Variants in GRIN2A observed in about 807,000 individuals in gnomAD.
GRIN2A encodes the protein glutamate ionotropic receptor NMDA type subunit 2A.
GRIN2A carries 22 observed loss-of-function variants against 113.4 expected under a neutral mutation model. The ratio of observed to expected loss-of-function variants is 0.19; its 90% CI spans 0.14 to 0.28. GRIN2A has a LOEUF of 0.28. Among genes scored for constraint, GRIN2A ranks in the 10% least tolerant of loss-of-function variants. The pLI, the probability that GRIN2A is intolerant of heterozygous loss-of-function variation, is 1.00. For missense variants in GRIN2A, 1,502 were observed against 1,887.0 expected, an observed-to-expected ratio of 0.80 and a Z score of 3.78; for synonymous variants, 827 against 738.4, an observed-to-expected ratio of 1.12 and a Z score of -1.94.
At chr16:10,091,627 CA>C (rs1355088217) in intron 2 of GRIN2A, among the ~76,000 whole-genome samples, 1 of 151,130 alleles carries the variant, frequency 6.6e-6, no homozygotes, top group South Asian at 2.1e-4. Context: ...GGCCCCATCT[CA>C]AAAAAATAAA....
intron 2 of GRIN2A, 120 bp downstream of exon 2, chr16:10,179,878 T>TG: frequency 2.3e-6 from 1 of 443,686 alleles, no homozygotes; most frequent in Non-Finnish European, 4.7e-6. Flanking sequence ...GCCACGACCC[T>TG]CCCACCCCCA....
chr16:10,124,838 C>T (rs139174451), intron 2 of GRIN2A, among the ~76,000 whole-genome samples: 318 of 152,240 alleles, frequency 2.1e-3, no homozygotes, highest in Middle Eastern at 3.4e-3. Flanking sequence ...GACATGAGGG[C>T]TCCTATGGAA....
chr16:10,081,323 G>C (rs1206901314), intron 2 of GRIN2A, among the ~76,000 whole-genome samples: 1 of 152,168 alleles, frequency 6.6e-6, no homozygotes, highest in Non-Finnish European at 1.5e-5. Flanking sequence ...TGGAGATGAA[G>C]CTATTGCGAA....
intron 2 of GRIN2A, among the ~76,000 whole-genome samples, chr16:9,949,593 CAGAT>C (rs2045123080): frequency 6.6e-6 from 1 of 150,916 alleles, no homozygotes; most frequent in East Asian, 2.0e-4. Context: ...GATAGACGGA[CAGAT>C]GGATGGATGG....
At chr16:9,830,651 A>G (rs899569476) in intron 8 of GRIN2A, among the ~76,000 whole-genome samples, 10 of 152,358 alleles carry the variant, frequency 6.6e-5, no homozygotes, top group Admixed American at 5.2e-4. Flanking sequence ...AAGTGGCAGA[A>G]GCAAATTCAC....
At chr16:9,870,703 T>C (rs933036265) in intron 4 of GRIN2A, among the ~76,000 whole-genome samples, 3 of 151,646 alleles carry the variant, frequency 2.0e-5, no homozygotes, top group African/African-American at 4.9e-5. Context: ...AGTGGCATGA[T>C]CTTGGCTCAC....
chr16:9,808,843 G>A (rs1244143749), intron 10 of GRIN2A, among the ~76,000 whole-genome samples: 1 of 152,020 alleles, frequency 6.6e-6, no homozygotes, highest in African/African-American at 2.4e-5. Flanking sequence ...AAAACCACTT[G>A]TAGAGGTACA....
intron 2 of GRIN2A, among the ~76,000 whole-genome samples, chr16:10,092,646 G>A (rs563322672): frequency 3.3e-5 from 5 of 152,162 alleles, no homozygotes; most frequent in East Asian, 1.9e-4. Flanking sequence ...ACTCTATGAG[G>A]TCAGTTCTAT....
Position 10,180,588 on chromosome 16 carries a change from CA to C in GRIN2A, c.-18-160del. On this transcript the variant is annotated intron_variant, in intron 1 of 12. Transcript: ENST00000330684. The surrounding 1 kb of genome is among the most constrained non-coding windows in gnomAD (Gnocchi z 7.0). Reference sequence around the variant, plus strand: ...TCCATTCCGAGTCCCCGACGCCATCCACATCCCTCGATCCATCTCTAACTCT... The same window carrying C: ...TCCATTCCGAGTCCCCGACGCCATCCCATCCCTCGATCCATCTCTAACTCT... 1 of 818,818 alleles carries C rather than the reference CA, an allele frequency of 1.2e-6. No individual in the cohort carries two copies. Among genetic ancestry groups the C allele is most frequent in the Non-Finnish European group, 1.5e-6 (1 of 677,844 alleles). The allele number at this position is 818,818 out of a possible 1,614,324, so 50.7% of individuals were successfully genotyped here.
In GRIN2A at chr16:10,053,173, G is replaced by C. The variant is rs552615541; in HGVS notation, c.415-114622C>G. Among the ~76,000 whole-genome samples the C allele has an allele frequency of 2.6e-5, 4 of 152,304 alleles. No individual in the cohort carries two copies. The East Asian group carries it at 7.7e-4, about 29-fold the overall frequency. ...ACAGTGAATGGAGAAGAGTAGGATG[G>C]AGACAGAAAGCTTTTAACTGAAACT... On this transcript the variant is annotated intron_variant, in intron 2 of 12. Transcript: ENST00000330684.
intron 2 of GRIN2A, among the ~76,000 whole-genome samples, chr16:10,050,205 C>T (rs1275520650): frequency 6.6e-6 from 1 of 152,134 alleles, no homozygotes; most frequent in Non-Finnish European, 1.5e-5. Flanking sequence ...CTTGAAGATG[C>T]TACACTTCTA....
intron 2 of GRIN2A, among the ~76,000 whole-genome samples, chr16:9,944,205 G>C (rs1259768706): frequency 6.6e-6 from 1 of 152,222 alleles, no homozygotes; most frequent in African/African-American, 2.4e-5. Flanking sequence ...GACTGCCCTT[G>C]TGAGCCCTGG....
chr16:10,013,259 G>T (rs1217250506), intron 2 of GRIN2A, among the ~76,000 whole-genome samples: 1 of 152,146 alleles, frequency 6.6e-6, no homozygotes, highest in Non-Finnish European at 1.5e-5. Flanking sequence ...TCTATGGGCT[G>T]GATTCAGCCC....
At chr16:9,990,613 G>C (rs1012883695) in intron 2 of GRIN2A, among the ~76,000 whole-genome samples, 1 of 149,054 alleles carries the variant, frequency 6.7e-6, no homozygotes, top group African/African-American at 2.5e-5. Context: ...GATGGAAAAT[G>C]AATGCTGCCT....
intron 2 of GRIN2A, among the ~76,000 whole-genome samples, chr16:10,129,152 T>G (rs1490865153): frequency 6.6e-6 from 1 of 152,112 alleles, no homozygotes; most frequent in Non-Finnish European, 1.5e-5. Context: ...CAGAGCTCAC[T>G]GCAGCCTCAA....
At chr16:9,940,310 T>C (rs2044841772) in intron 2 of GRIN2A, among the ~76,000 whole-genome samples, 1 of 152,144 alleles carries the variant, frequency 6.6e-6, no homozygotes, top group Non-Finnish European at 1.5e-5. Context: ...GAAACAAGAA[T>C]AAATGTCTTC....
intron 2 of GRIN2A, among the ~76,000 whole-genome samples, chr16:10,115,224 T>C (rs2048707722): frequency 6.9e-6 from 1 of 145,428 alleles, no homozygotes. Flanking sequence ...TTTTGCATGA[T>C]CTAAGTTTTT....
intron 2 of GRIN2A, among the ~76,000 whole-genome samples, chr16:10,030,654 A>C (rs2046911241): frequency 6.6e-6 from 1 of 152,188 alleles, no homozygotes; most frequent in Non-Finnish European, 1.5e-5. Flanking sequence ...TGTTTTTTAC[A>C]TTGATGAGTT....
At chr16:10,048,279 G>T (rs2047293542) in intron 2 of GRIN2A, among the ~76,000 whole-genome samples, 1 of 152,160 alleles carries the variant, frequency 6.6e-6, no homozygotes, top group African/African-American at 2.4e-5. Flanking sequence ...TTGGCACTTA[G>T]TAAGCCCTAT....
Sources: allele counts gnomAD v4.1 joint callset (sites outside exome capture counted in the v4.1 genomes callset), GRCh38; gene constraint gnomAD v4.1.1; non-coding constraint Gnocchi (gnomAD v3.1); transcripts MANE v1.5; gene names NCBI Gene and HGNC (gene_info 2026-07-23, HGNC 2026-07-21).